INPP4B: variants seen among roughly 807,000 people sequenced by gnomAD.
INPP4B encodes the protein inositol polyphosphate-4-phosphatase type II B.
Under a neutral mutation model 122.5 loss-of-function variants are expected in INPP4B, and 55 were observed. That is an observed-to-expected ratio of 0.45 (90% confidence interval 0.36 to 0.56). The LOEUF (loss-of-function observed/expected upper bound fraction) is 0.56. Ranked by LOEUF, INPP4B falls within the 20% of genes least tolerant of loss-of-function variation. The pLI is 0.00. For missense variants in INPP4B, 1,000 were observed against 1,097.7 expected, an observed-to-expected ratio of 0.91 and a Z score of 1.26; for synonymous variants, 403 against 388.7, an observed-to-expected ratio of 1.04 and a Z score of -0.43.
chr4:142,232,023 G>C (rs1164231382), intron 12 of INPP4B, among the ~76,000 whole-genome samples: 1 of 152,156 alleles, frequency 6.6e-6, no homozygotes, highest in Admixed American at 6.5e-5. Flanking sequence ...TATTGTCGAT[G>C]AGTGCTTTTG....
intron 9 of INPP4B, among the ~76,000 whole-genome samples, chr4:142,276,805 G>T (rs1051420228): frequency 6.6e-6 from 1 of 151,724 alleles, no homozygotes; most frequent in Admixed American, 6.6e-5. Flanking sequence ...CAAATATGAG[G>T]AATTATACAA....
chr4:142,233,709 C>A (rs567594673), intron 12 of INPP4B, among the ~76,000 whole-genome samples: 2 of 152,190 alleles, frequency 1.3e-5, no homozygotes, highest in East Asian at 3.9e-4. Flanking sequence ...GAGATTACAC[C>A]AAGAAGAATG....
intron 2 of INPP4B, among the ~76,000 whole-genome samples, chr4:142,678,081 G>A (rs1446840373): frequency 6.6e-6 from 1 of 151,922 alleles, no homozygotes; most frequent in Non-Finnish European, 1.5e-5. Context: ...CCAATTAATG[G>A]TAACAATATA....
chr4:142,181,277 C>T (rs1467544150), intron 15 of INPP4B, among the ~76,000 whole-genome samples: 2 of 152,092 alleles, frequency 1.3e-5, no homozygotes, highest in Non-Finnish European at 2.9e-5. Flanking sequence ...TCCAACTGTT[C>T]TAGGTACTCT....
chr4:142,098,984 C>G (rs1447415408), intron 23 of INPP4B, among the ~76,000 whole-genome samples: 2 of 151,970 alleles, frequency 1.3e-5, no homozygotes, highest in Non-Finnish European at 2.9e-5. Context: ...AGCCATAGAG[C>G]AGGAGAAATC....
intron 7 of INPP4B, among the ~76,000 whole-genome samples, chr4:142,352,430 G>A (rs1391094): frequency 0.22 from 32,662 of 151,622 alleles, 4,435 homozygotes; most frequent in East Asian, 0.46. Flanking sequence ...AATTATATCT[G>A]TAGTACCTAT....
At chr4:142,627,760 G>T (rs922994429) in intron 2 of INPP4B, among the ~76,000 whole-genome samples, 1 of 152,048 alleles carries the variant, frequency 6.6e-6, no homozygotes, top group African/African-American at 2.4e-5. Context: ...GAATGATGCT[G>T]GCCTCATAAA....
chr4:142,457,724 A>T (rs1426846972), intron 3 of INPP4B, among the ~76,000 whole-genome samples: 1 of 152,188 alleles, frequency 6.6e-6, no homozygotes, highest in Non-Finnish European at 1.5e-5. Flanking sequence ...AAAATAGTAT[A>T]GTTACTTTGG....
intron 2 of INPP4B, among the ~76,000 whole-genome samples, chr4:142,721,548 C>T (rs534303459): frequency 6.0e-4 from 91 of 152,302 alleles, no homozygotes; most frequent in African/African-American, 2.1e-3. Flanking sequence ...TAAGGCCGGG[C>T]GCTGTGGCTC....
chr4:142,265,689 C>A (rs1485945039), intron 10 of INPP4B, among the ~76,000 whole-genome samples: 1 of 152,168 alleles, frequency 6.6e-6, no homozygotes, highest in African/African-American at 2.4e-5. Flanking sequence ...TACAAATAAT[C>A]CAGACAGGGC....
intron 18 of INPP4B, among the ~76,000 whole-genome samples, chr4:142,136,896 A>T (rs1804659369): frequency 6.6e-6 from 1 of 152,218 alleles, no homozygotes; most frequent in African/African-American, 2.4e-5. Flanking sequence ...CTTACAAAGA[A>T]ATGGAAGAAC....
chr4:142,049,822 C>G (rs1753529855), intron 25 of INPP4B, among the ~76,000 whole-genome samples: 1 of 151,950 alleles, frequency 6.6e-6, no homozygotes, highest in Non-Finnish European at 1.5e-5. Context: ...ATGTGGTGGG[C>G]ACTAAATGTA....
chr4:142,252,313 C>G (rs937924972), intron 11 of INPP4B, among the ~76,000 whole-genome samples: 1 of 151,242 alleles, frequency 6.6e-6, no homozygotes, highest in East Asian at 2.0e-4. Flanking sequence ...CTCAGCCTCC[C>G]GAGTAGCTGG....
At chr4:142,112,791 G>A in intron 21 of INPP4B, 109 bp from the exon 22 acceptor site, 2 of 979,982 alleles carry the variant, frequency 2.0e-6, no homozygotes, top group South Asian at 1.8e-5. Context: ...ACTGATTTAG[G>A]TTTCTGTTGC....
chr4:142,245,786 G>A (rs534740474), intron 11 of INPP4B, among the ~76,000 whole-genome samples: 7 of 140,050 alleles, frequency 5.0e-5, no homozygotes, highest in South Asian at 2.3e-4. Flanking sequence ...ATATATATGT[G>A]TGTATGTATA....
At chr4:142,706,429 T>G (rs1762482301) in intron 2 of INPP4B, among the ~76,000 whole-genome samples, 1 of 152,254 alleles carries the variant, frequency 6.6e-6, no homozygotes, top group African/African-American at 2.4e-5. Context: ...TAAGTTCGGT[T>G]GCTTAATGGC....
chr4:142,633,841 TA>T (rs1316843212), intron 2 of INPP4B, among the ~76,000 whole-genome samples: 1 of 151,994 alleles, frequency 6.6e-6, no homozygotes, highest in Non-Finnish European at 1.5e-5. Context: ...GTAAAAACCC[TA>T]AAAACCCATT....
At chr4:142,720,296 T>C (rs1056750280) in intron 2 of INPP4B, among the ~76,000 whole-genome samples, 2 of 152,190 alleles carry the variant, frequency 1.3e-5, no homozygotes, top group African/African-American at 4.8e-5. Context: ...GAAGTATCAT[T>C]TTTTATTGTT....
At chr4:142,773,667 T>C (rs965726547) in intron 1 of INPP4B, among the ~76,000 whole-genome samples, 2 of 152,204 alleles carry the variant, frequency 1.3e-5, no homozygotes, top group African/African-American at 4.8e-5. Flanking sequence ...TATTCATTTC[T>C]GTATTCCTGA....
Sources: gnomAD v4.1 joint callset for allele counts (sites outside exome capture counted in the v4.1 genomes callset) on GRCh38, gnomAD v4.1.1 for gene constraint, MANE v1.5 for transcripts, NCBI Gene and HGNC (gene_info 2026-07-23, HGNC 2026-07-21) for gene names.